Variants in ARFGAP3 observed in about 807,000 individuals in gnomAD.
ARFGAP3 encodes the protein ADP-ribosylation factor GTPase-activating protein 3.
In ARFGAP3, 72 loss-of-function variants were observed where a neutral mutation model predicts 75.0. The ratio of observed to expected loss-of-function variants is 0.96; its 90% CI spans 0.79 to 1.17. ARFGAP3 has a LOEUF of 1.17. ARFGAP3 is among the 50% of genes most tolerant of loss of function. The pLI is 0.00. For synonymous variants in ARFGAP3, 221 were observed against 217.9 expected, an observed-to-expected ratio of 1.01 and a Z score of -0.13; for missense variants, 620 against 626.6, an observed-to-expected ratio of 0.99 and a Z score of 0.11.
chr22:42,826,235 TCAGAAA>T (rs1351058482), intron 7 of ARFGAP3, among the ~76,000 whole-genome samples: 1 of 152,130 alleles, frequency 6.6e-6, no homozygotes. Flanking sequence ...TATAATAAAA[TCAGAAA>T]GAGAAGAAAA....
intron 14 of ARFGAP3, among the ~76,000 whole-genome samples, chr22:42,800,247 C>A (rs1242487331): frequency 6.6e-6 from 1 of 152,130 alleles, no homozygotes; most frequent in Admixed American, 6.5e-5. Flanking sequence ...AAACAGAAAC[C>A]CACCAGACGC....
At chr22:42,852,709 C>T (rs970860695) in intron 1 of ARFGAP3, among the ~76,000 whole-genome samples, 4 of 152,080 alleles carry the variant, frequency 2.6e-5, no homozygotes, top group African/African-American at 9.7e-5. Flanking sequence ...TCATTTTGTA[C>T]ATTTCACAAA....
intron 14 of ARFGAP3, among the ~76,000 whole-genome samples, chr22:42,804,610 G>A (rs902528383): frequency 6.6e-6 from 1 of 152,044 alleles, no homozygotes; most frequent in Non-Finnish European, 1.5e-5. Flanking sequence ...TCGATCTCTT[G>A]ACCTCGTGAT....
intron 6 of ARFGAP3, among the ~76,000 whole-genome samples, chr22:42,830,597 C>G (rs982885099): frequency 6.6e-6 from 1 of 152,158 alleles, no homozygotes; most frequent in African/African-American, 2.4e-5. Flanking sequence ...AACATTCTGG[C>G]CTAACAAAGG....
intron 3 of ARFGAP3, among the ~76,000 whole-genome samples, chr22:42,836,154 T>C (rs1926513349): frequency 6.6e-6 from 1 of 152,048 alleles, no homozygotes; most frequent in South Asian, 2.1e-4. Flanking sequence ...GGCTAATTTT[T>C]GTATTTTTTG....
Position 42,797,438 on chromosome 22 carries a change from A to G in ARFGAP3, c.*150T>C. The G allele has an allele frequency of 9.8e-7, 1 of 1,022,370 alleles. No homozygotes were observed. 63.3% of individuals were successfully genotyped at this position (1,022,370 alleles called of 1,614,324 possible). On this transcript the variant is annotated 3_prime_UTR_variant, in exon 16 of 16. Coordinates refer to ENST00000263245, the MANE Select transcript of ARFGAP3 (RefSeq NM_014570.5). ...CTACATCAGAACTCAGAATTTCTCA[A>G]AAGAAATATTAAAAATCAGAAACAT...
intron 11 of ARFGAP3, among the ~76,000 whole-genome samples, chr22:42,812,224 C>CAAAAAAA (rs3046479): frequency 1.8e-5 from 1 of 56,630 alleles, no homozygotes; most frequent in African/African-American, 6.9e-5. Flanking sequence ...GATACTGTCT[C>CAAAAAAA]AAAAAAAAAA....
chr22:42,844,605 A>T (rs1039348509), intron 2 of ARFGAP3, among the ~76,000 whole-genome samples: 662 of 24,056 alleles, frequency 0.028, 5 homozygotes, highest in Admixed American at 0.048. Context: ...AAAAAAAAAA[A>T]AATAAAAAAC....
At chr22:42,830,899 C>T (rs1205438934) in intron 6 of ARFGAP3, among the ~76,000 whole-genome samples, 2 of 152,104 alleles carry the variant, frequency 1.3e-5, no homozygotes, top group South Asian at 2.1e-4. Context: ...CTTTCCAGAA[C>T]GTTTTTGGTA....
rs955037095 is a variant in ARFGAP3 at position 42,797,837 on chromosome 22, T to C, written c.1534-232A>G. 1.1e-5 allele frequency: 8 copies of C among 724,630 alleles called. No individual in the cohort carries two copies. In the African/African-American group the frequency reaches 1.5e-4, roughly 14 times the overall value. 44.9% of individuals were successfully genotyped at this position (724,630 alleles called of 1,614,324 possible). On this transcript the variant is annotated intron_variant, in intron 15 of 15. Coordinates refer to ENST00000263245, the MANE Select transcript of ARFGAP3 (RefSeq NM_014570.5). ...CAGGATTCACATCCTGCCTCTGGCATCCACGGCCACAGTCCTGGGATCAGG... is the reference window on the plus strand; with the variant it reads ...CAGGATTCACATCCTGCCTCTGGCACCCACGGCCACAGTCCTGGGATCAGG...
At chr22:42,831,140 T>C (rs559100169) in intron 6 of ARFGAP3, among the ~76,000 whole-genome samples, 10 of 151,978 alleles carry the variant, frequency 6.6e-5, no homozygotes, top group African/African-American at 9.6e-5. Context: ...TTGCAAAAAT[T>C]AGCCAGATGT....
rs561132028 is a variant in ARFGAP3, at chr22:42,815,148, AAGAGTTTCCTCTGACCC to A, written c.1064+1977_1064+1993del. On this transcript the variant is annotated intron_variant, in intron 11 of 15. Transcript: ENST00000263245. ...CAGGCTAATACAGACCCGTACTGCCAAGAGTTTCCTCTGACCCAGACTTAGTCCACCATTTAATATTC... is the reference window on the plus strand; with the variant it reads ...CAGGCTAATACAGACCCGTACTGCCAAGACTTAGTCCACCATTTAATATTC... 1.3e-4 allele frequency among the ~76,000 whole-genome samples: 20 copies of A among 152,352 alleles called. No individual in the cohort carries two copies. The South Asian group carries it at 4.1e-3, about 32-fold the overall frequency.
intron 8 of ARFGAP3, 104 bp from the exon 9 acceptor site, chr22:42,822,513 C>T: frequency 7.2e-7 from 1 of 1,389,872 alleles, no homozygotes; most frequent in Non-Finnish European, 9.8e-7. Flanking sequence ...CTGTGACAAG[C>T]ACTCTACATT....
chr22:42,821,636 AT>A (rs149066149), intron 9 of ARFGAP3, among the ~76,000 whole-genome samples: 14 of 152,198 alleles, frequency 9.2e-5, no homozygotes, highest in Non-Finnish European at 1.9e-4. Context: ...GTTGGTAGAC[AT>A]TTAGCTTATT....
intron 6 of ARFGAP3, among the ~76,000 whole-genome samples, chr22:42,829,002 T>A (rs1263473381): frequency 6.6e-6 from 1 of 152,194 alleles, no homozygotes; most frequent in Non-Finnish European, 1.5e-5. Flanking sequence ...CCTTTTATGC[T>A]AATAAATTAT....
intron 14 of ARFGAP3, 22 bp from the exon 15 acceptor site, chr22:42,799,182 T>G (rs1338067852): frequency 1.2e-6 from 2 of 1,612,636 alleles, no homozygotes; most frequent in Non-Finnish European, 1.7e-6. Flanking sequence ...CAGCAGACAC[T>G]GTCTCATCAC....
At chr22:42,810,165 C>A (rs963701009) in intron 12 of ARFGAP3, among the ~76,000 whole-genome samples, 56 of 151,954 alleles carry the variant, frequency 3.7e-4, no homozygotes, top group African/African-American at 1.3e-3. Flanking sequence ...TATTTAGAAT[C>A]AGTAATTTAA....
At chr22:42,817,035 GTGAAGTAAAT>G (rs2068550825) in intron 11 of ARFGAP3, 97 bp downstream of exon 11, 2 of 831,642 alleles carry the variant, frequency 2.4e-6, no homozygotes, top group Admixed American at 2.3e-5. Flanking sequence ...TTTAAAAACA[GTGAAGTAAAT>G]TGATTTGTAA....
At chr22:42,857,061 C>G in intron 1 of ARFGAP3, 53 bp downstream of exon 1, 8 of 1,467,248 alleles carry the variant, frequency 5.5e-6, no homozygotes, top group Non-Finnish European at 7.2e-6. Flanking sequence ...CGGGGCCTCC[C>G]GCCGGTTCCC....
Sources: gnomAD v4.1 joint callset for allele counts (sites outside exome capture counted in the v4.1 genomes callset) on GRCh38, gnomAD v4.1.1 for gene constraint, MANE v1.5 for transcripts, NCBI Gene and HGNC (gene_info 2026-07-23, HGNC 2026-07-21) for gene names.